Variants in ZRANB1 observed in about 807,000 individuals in gnomAD.
ZRANB1 encodes ubiquitin thioesterase ZRANB1.
Under a neutral mutation model 80.5 loss-of-function variants are expected in ZRANB1, and 16 were observed. The observed-to-expected ratio is 0.20, with a 90% CI of 0.13 to 0.30. The LOEUF (loss-of-function observed/expected upper bound fraction) is 0.30. ZRANB1 is among the 10% of genes least tolerant of loss of function. ZRANB1 has a pLI of 1.00. For synonymous variants in ZRANB1, 291 were observed against 293.1 expected (o/e 0.99, Z 0.07); for missense variants, 576 against 862.6 (o/e 0.67, Z 4.16).
chr10:124,950,829 A>G (rs1313123753), intron 1 of ZRANB1, among the ~76,000 whole-genome samples: 1 of 152,144 alleles, frequency 6.6e-6, no homozygotes, highest in Non-Finnish European at 1.5e-5. Flanking sequence ...AAAATAAAAA[A>G]AATTAGCAGG....
chr10:124,970,947 C>T (rs1048629288), intron 2 of ZRANB1, among the ~76,000 whole-genome samples: 5 of 145,144 alleles, frequency 3.4e-5, no homozygotes, highest in Non-Finnish European at 7.5e-5. Flanking sequence ...AAGTGATTCT[C>T]ATGCCTCAGC....
At chr10:124,923,449 C>T in the ZRANB1 span, among the ~76,000 whole-genome samples, 1 of 151,510 alleles carries the variant, frequency 6.6e-6, no homozygotes, top group Non-Finnish European at 1.5e-5. Context: ...AAAAAATTAG[C>T]TGGGCGTGGT....
chr10:124,984,489 C>G, intron 8 of ZRANB1: 1 of 344,120 alleles, frequency 2.9e-6, no homozygotes, highest in South Asian at 7.3e-5. Context: ...TTGCCAGGAT[C>G]AGTTTATTAG....
rs748692748 is a variant in ZRANB1 at position 124,943,063 on chromosome 10, G to A, written c.570G>A (p.Glu190=). 6 of 1,614,056 alleles carry A rather than the reference G, an allele frequency of 3.7e-6. No individual in the cohort carries two copies. The South Asian group carries it at 6.6e-5, about 18-fold the overall frequency. Residue 190 remains glutamate (E), a synonymous_variant, in exon 1 of 9, where the codon GAG becomes GAA. Transcript: ENST00000359653. ...CAATAGAATTGGCAGAGACTGAAGA[G>A]GCTTCTTCAATAATAAATGAGCAAG... The part of the protein sequence containing the change: ...IEAIELAETE[E]ASSIINEQDR...
the ZRANB1 span, among the ~76,000 whole-genome samples, chr10:124,922,281 A>AATATATATATATATATGTAAAATAT: frequency 1.1e-5 from 1 of 87,454 alleles, no homozygotes; most frequent in African/African-American, 4.3e-5. Flanking sequence ...ATATATGTAA[A>AATATATATATATATATGTAAAATAT]ATATATATAT....
the ZRANB1 span, among the ~76,000 whole-genome samples, chr10:124,925,156 C>T: frequency 9.9e-5 from 15 of 152,236 alleles, no homozygotes; most frequent in African/African-American, 2.2e-4. Flanking sequence ...GTGATCCACC[C>T]GCCTCGGCCT....
chr10:124,979,500 A>G (rs1335155254), intron 5 of ZRANB1, among the ~76,000 whole-genome samples: 1 of 152,202 alleles, frequency 6.6e-6, no homozygotes, highest in Non-Finnish European at 1.5e-5. Context: ...GTCTTTTGAA[A>G]TCACGAGTCT....
At chr10:124,928,288 A>G in the ZRANB1 span, among the ~76,000 whole-genome samples, 5 of 152,144 alleles carry the variant, frequency 3.3e-5, no homozygotes, top group Admixed American at 2.0e-4. Context: ...TCGCCGAAGC[A>G]TGCGGATGAG....
chr10:124,984,137 C>T (rs1349310906), intron 8 of ZRANB1, among the ~76,000 whole-genome samples: 2 of 152,010 alleles, frequency 1.3e-5, no homozygotes, highest in East Asian at 3.9e-4. Flanking sequence ...TTGGGTTTTA[C>T]TCTGGATAAC....
chr10:124,944,487 C>CG (rs1951562886), intron 1 of ZRANB1, among the ~76,000 whole-genome samples: 1 of 1,186 alleles, frequency 8.4e-4, no homozygotes, highest in Non-Finnish European at 8.2e-3. Context: ...ATATCATTCC[C>CG]CCCCCCCCCC....
chr10:124,979,756 G>A lies in ZRANB1; in HGVS notation c.1428-1953G>A, dbSNP rs534848375. ...TGCATGTGGATACCCAGTTGTTTCGGTACCTTTAATTGAAAAAAACCCTTT... is the reference window on the plus strand; with the variant it reads ...TGCATGTGGATACCCAGTTGTTTCGATACCTTTAATTGAAAAAAACCCTTT... On this transcript the variant is annotated intron_variant, in intron 5 of 8. Transcript: ENST00000359653. 2.6e-5 allele frequency among the ~76,000 whole-genome samples: 4 copies of A among 152,078 alleles called. No individual in the cohort carries two copies. In the South Asian group the frequency reaches 8.3e-4, roughly 32 times the overall value.
intron 5 of ZRANB1, among the ~76,000 whole-genome samples, chr10:124,979,658 A>C (rs1951915865): frequency 6.6e-6 from 1 of 152,150 alleles, no homozygotes; most frequent in Non-Finnish European, 1.5e-5. Flanking sequence ...TAACTTTTAC[A>C]TTTAGGTCAT....
At chr10:124,949,556 C>T (rs762259002) in intron 1 of ZRANB1, among the ~76,000 whole-genome samples, 21 of 140,608 alleles carry the variant, frequency 1.5e-4, no homozygotes, top group Non-Finnish European at 2.9e-4. Context: ...GGATCTTGCT[C>T]TGTTGCCCAT....
At chr10:124,966,809 C>T (rs1035034920) in intron 2 of ZRANB1, 28 bp downstream of exon 2, 1 of 1,584,014 alleles carries the variant, frequency 6.3e-7, no homozygotes, top group Non-Finnish European at 8.6e-7. Flanking sequence ...GTTAAATGTT[C>T]TTTTATATTA....
chr10:124,967,600 G>GA (rs1951787095), intron 2 of ZRANB1, among the ~76,000 whole-genome samples: 1 of 152,158 alleles, frequency 6.6e-6, no homozygotes, highest in Non-Finnish European at 1.5e-5. Flanking sequence ...GGAGAGGGGT[G>GA]AGCCTGGTTA....
intron 1 of ZRANB1, among the ~76,000 whole-genome samples, chr10:124,949,450 T>TATATATATATGTTTACACACATGC: frequency 4.2e-5 from 1 of 24,082 alleles, no homozygotes; most frequent in African/African-American, 7.2e-5. Flanking sequence ...CACACATATG[T>TATATATATATGTTTACACACATGC]ATATATATAT....
chr10:124,937,751 C>A (rs552888595), upstream of ZRANB1, among the ~76,000 whole-genome samples: 18 of 152,254 alleles, frequency 1.2e-4, no homozygotes, highest in African/African-American at 4.1e-4. Flanking sequence ...AAAACAGTTA[C>A]GAATTTAGTA....
the ZRANB1 span, among the ~76,000 whole-genome samples, chr10:124,916,905 G>A: frequency 6.6e-6 from 1 of 152,046 alleles, no homozygotes; most frequent in Non-Finnish European, 1.5e-5. Flanking sequence ...TTTGGCTCCG[G>A]GTCCCTCGGC....
At chr10:124,978,718 G>C (rs1055126451) in intron 5 of ZRANB1, among the ~76,000 whole-genome samples, 1 of 151,572 alleles carries the variant, frequency 6.6e-6, no homozygotes, top group African/African-American at 2.4e-5. Context: ...CTTATACCTT[G>C]TGGGCTCAAG....
Sources: gnomAD v4.1 joint callset for allele counts (sites outside exome capture counted in the v4.1 genomes callset) on GRCh38, gnomAD v4.1.1 for gene constraint, MANE v1.5 for transcripts, NCBI Gene and HGNC (gene_info 2026-07-23, HGNC 2026-07-21) for gene names.